The following ARHGEF38 variants were observed in gnomAD, a reference collection of about 807,000 sequenced individuals.
ARHGEF38 encodes the protein Rho guanine nucleotide exchange factor 38.
In ARHGEF38, 79 loss-of-function variants were observed where a neutral mutation model predicts 79.9. The ratio of observed to expected loss-of-function variants is 0.99; its 90% CI spans 0.82 to 1.19. ARHGEF38 has a LOEUF of 1.19. Among genes scored for constraint, ARHGEF38 ranks in the 50% most tolerant of loss-of-function variants. ARHGEF38 has a pLI of 0.00. For synonymous variants in ARHGEF38, 366 were observed against 328.3 expected, an observed-to-expected ratio of 1.11 and a Z score of -1.24; for missense variants, 962 against 907.2, an observed-to-expected ratio of 1.06 and a Z score of -0.78.
chr4:105,651,897 C>T (rs1179852771), intron 7 of ARHGEF38, among the ~76,000 whole-genome samples: 2 of 152,178 alleles, frequency 1.3e-5, no homozygotes, highest in African/African-American at 4.8e-5. Flanking sequence ...AACCCAGTTC[C>T]CTTAGTGATT....
At chr4:105,592,758 C>T (rs1727399116) in intron 2 of ARHGEF38, among the ~76,000 whole-genome samples, 1 of 152,160 alleles carries the variant, frequency 6.6e-6, no homozygotes, top group Non-Finnish European at 1.5e-5. Flanking sequence ...AGCTTATGCC[C>T]TTTTCCATCA....
chr4:105,676,666 T>G lies in ARHGEF38; in HGVS notation c.2149-1086T>G, dbSNP rs543031263. On this transcript the variant is annotated intron_variant, in intron 13 of 13. Coordinates refer to ENST00000420470, the MANE Select transcript of ARHGEF38 (RefSeq NM_001242729.2). ...TTCTTACGCACTTAATAATTATAAA[T>G]TGTTCTTTTGAGGTCAGAGAAAAAT... Among the ~76,000 whole-genome samples, 15 of 152,300 alleles carry G rather than the reference T, an allele frequency of 9.8e-5. No homozygotes were observed. In the South Asian group the frequency reaches 3.1e-3, roughly 32 times the overall value.
chr4:105,611,192 A>G (rs996668467), intron 2 of ARHGEF38, among the ~76,000 whole-genome samples: 4 of 152,114 alleles, frequency 2.6e-5, no homozygotes, highest in Admixed American at 2.6e-4. Context: ...GAGCAAAATG[A>G]AATAATAACA....
intron 7 of ARHGEF38, among the ~76,000 whole-genome samples, chr4:105,651,730 C>T (rs1307926133): frequency 6.6e-6 from 1 of 152,094 alleles, no homozygotes; most frequent in Non-Finnish European, 1.5e-5. Context: ...TCATAGCTCG[C>T]TGCAGCCTCA....
rs201861641 is a variant in ARHGEF38, at chr4:105,633,781, GA to G, written c.657-2620del. Among the ~76,000 whole-genome samples, 944 of 152,160 alleles carry G rather than the reference GA, an allele frequency of 6.2e-3. 8 individuals carry two copies. The highest frequency in any genetic ancestry group is 0.022 in the African/African-American group (904 of 41,500). On this transcript the variant is annotated intron_variant, in intron 4 of 13. Coordinates refer to ENST00000420470, the MANE Select transcript of ARHGEF38 (RefSeq NM_001242729.2). ...TATAAGCATAGTTCTTGCCTCTCAGGAACACAAACCCTAGTTGAGGAGATAA... is the reference window on the plus strand; with the variant it reads ...TATAAGCATAGTTCTTGCCTCTCAGGACACAAACCCTAGTTGAGGAGATAA...
intron 3 of ARHGEF38, among the ~76,000 whole-genome samples, chr4:105,617,267 G>T (rs1043221411): frequency 6.6e-6 from 1 of 152,078 alleles, no homozygotes; most frequent in Non-Finnish European, 1.5e-5. Context: ...ACAAATATTA[G>T]TGGAGCACAG....
At chr4:105,589,911 C>T (rs529370338) in intron 2 of ARHGEF38, among the ~76,000 whole-genome samples, 10 of 151,856 alleles carry the variant, frequency 6.6e-5, no homozygotes, top group East Asian at 1.9e-4. Context: ...TGGTGGCACA[C>T]GCCTGTAATC....
At chr4:105,574,437 G>C (rs1430763954) in intron 1 of ARHGEF38, among the ~76,000 whole-genome samples, 2 of 151,728 alleles carry the variant, frequency 1.3e-5, no homozygotes, top group Admixed American at 1.3e-4. Context: ...TGTAATCCCA[G>C]CTACTTGGAG....
chr4:105,672,585 A>G (rs1730991350), intron 13 of ARHGEF38, among the ~76,000 whole-genome samples: 1 of 152,248 alleles, frequency 6.6e-6, no homozygotes, highest in Admixed American at 6.5e-5. Flanking sequence ...CATGCTCTGC[A>G]TTAGTGTTCC....
chr4:105,679,673 A>C lies in ARHGEF38; in HGVS notation c.*1736A>C, dbSNP rs542789417. The C allele has an allele frequency of 1.3e-6, 1 of 795,840 alleles. No homozygotes were observed. The highest frequency in any genetic ancestry group is 2.3e-6 in the Non-Finnish European group (1 of 438,948). 49.3% of individuals were successfully genotyped at this position (795,840 alleles called of 1,614,324 possible). A position where few individuals can be genotyped will look rare whatever the true frequency, so the allele number is the denominator to read the frequency against. The stretch of plus-strand genomic sequence containing the variant: ...GCATCCATGCTTTTAAATTTAACTA[A>C]ATCCATTGTAGAAGGAACACCTACA... On this transcript the variant is annotated 3_prime_UTR_variant, in exon 14 of 14. Coordinates refer to ENST00000420470, the MANE Select transcript of ARHGEF38 (RefSeq NM_001242729.2).
rs564606799 is a variant in ARHGEF38 at position 105,628,998 on chromosome 4, C to T, written c.509-1900C>T. On this transcript the variant is annotated intron_variant, in intron 3 of 13. Transcript: ENST00000420470. ...TTCATTCTCAAATGAATCTCAATGG[C>T]TACTATTATTTTTATTTTGCAAATA... Among the ~76,000 whole-genome samples, 11 of 151,822 alleles carry T rather than the reference C, an allele frequency of 7.2e-5. No homozygotes were observed. The South Asian group carries it at 2.3e-3, about 32-fold the overall frequency.
intron 1 of ARHGEF38, among the ~76,000 whole-genome samples, chr4:105,581,595 GATTA>G (rs1726792709): frequency 6.6e-6 from 1 of 151,796 alleles, no homozygotes; most frequent in Non-Finnish European, 1.5e-5. Flanking sequence ...GCCATTTATT[GATTA>G]AACAAAATAA....
At chr4:105,647,572 A>C (rs1223725645) in intron 6 of ARHGEF38, among the ~76,000 whole-genome samples, 1 of 152,240 alleles carries the variant, frequency 6.6e-6, no homozygotes, top group Non-Finnish European at 1.5e-5. Flanking sequence ...GATTCTCTGC[A>C]TGAACTTCCT....
intron 1 of ARHGEF38, among the ~76,000 whole-genome samples, chr4:105,581,762 T>A (rs1726800674): frequency 6.6e-6 from 1 of 152,236 alleles, no homozygotes; most frequent in Non-Finnish European, 1.5e-5. Flanking sequence ...ATATCTCTAA[T>A]AATTTCAGTA....
chr4:105,669,213 A>G (rs1418924174), intron 13 of ARHGEF38, among the ~76,000 whole-genome samples: 2 of 152,180 alleles, frequency 1.3e-5, no homozygotes, highest in African/African-American at 4.8e-5. Context: ...GTTTTTTTCC[A>G]TGTAACAATA....
chr4:105,588,192 A>AT (rs1727150233), intron 1 of ARHGEF38, among the ~76,000 whole-genome samples: 1 of 152,100 alleles, frequency 6.6e-6, no homozygotes, highest in Admixed American at 6.5e-5. Context: ...CTGTACATTT[A>AT]TTTTTTACTG....
At chr4:105,569,090 G>C (rs180721053) in intron 1 of ARHGEF38, among the ~76,000 whole-genome samples, 1 of 152,100 alleles carries the variant, frequency 6.6e-6, no homozygotes, top group Admixed American at 6.5e-5. Context: ...CAATGACTTA[G>C]AATTTTACAA....
chr4:105,636,392 T>C lies in ARHGEF38; in HGVS notation c.657-11T>C. 1 of 429,226 alleles carries C rather than the reference T, an allele frequency of 2.3e-6. No individual in the cohort carries two copies. The highest frequency in any genetic ancestry group is 3.5e-6 in the Non-Finnish European group (1 of 282,700). 26.6% of individuals were successfully genotyped at this position (429,226 alleles called of 1,614,324 possible). A position where few individuals can be genotyped will look rare whatever the true frequency, so the allele number is the denominator to read the frequency against. ...TTTACATGAATTTACTTTCTTTTTC[T>C]TCTCTTACAGGAAAATATACATGCA... is the stretch of plus-strand genomic sequence containing the variant. On this transcript the variant is annotated splice_polypyrimidine_tract_variant and intron_variant, in intron 4 of 13. Transcript: ENST00000420470.
At chr4:105,597,679 C>A (rs994525916) in intron 2 of ARHGEF38, among the ~76,000 whole-genome samples, 1 of 152,164 alleles carries the variant, frequency 6.6e-6, no homozygotes, top group African/African-American at 2.4e-5. Flanking sequence ...CTTATTTATG[C>A]AAACAATTGC....
Sources: gnomAD v4.1 joint callset for allele counts (sites outside exome capture counted in the v4.1 genomes callset) on GRCh38, gnomAD v4.1.1 for gene constraint, MANE v1.5 for transcripts, NCBI Gene and HGNC (gene_info 2026-07-23, HGNC 2026-07-21) for gene names.